PCDHA10: variants seen among roughly 807,000 people sequenced by gnomAD.
The protein encoded by PCDHA10 is protocadherin alpha 10.
PCDHA10 carries 45 observed loss-of-function variants against 61.2 expected under a neutral mutation model. The observed-to-expected ratio is 0.74, with a 90% CI of 0.58 to 0.94. PCDHA10 has a LOEUF of 0.94. PCDHA10 is among the 40% of genes least tolerant of loss of function. The pLI is 0.00. For synonymous variants in PCDHA10, 602 were observed against 548.8 expected (o/e 1.10, Z -1.35); for missense variants, 1,278 against 1,236.2 (o/e 1.03, Z -0.51).
At chr5:140,902,509 A>G (rs1242435474) in intron 1 of PCDHA10, among the ~76,000 whole-genome samples, 2 of 152,056 alleles carry the variant, frequency 1.3e-5, no homozygotes, top group Non-Finnish European at 2.9e-5. Context: ...TGAGTCTGTC[A>G]TATATGGTTT....
chr5:140,877,647 G>A, intron 1 of PCDHA10: 2 of 1,613,510 alleles, frequency 1.2e-6, no homozygotes, highest in South Asian at 1.1e-5. Flanking sequence ...GTTGCTCAGC[G>A]CCGCCCACCG....
intron 1 of PCDHA10, chr5:140,966,442 T>C (rs1474683794): frequency 4.7e-6 from 2 of 424,056 alleles, no homozygotes; most frequent in East Asian, 3.6e-5. Flanking sequence ...TACCGCTCCC[T>C]TTCCCCCTCC....
intron 1 of PCDHA10, among the ~76,000 whole-genome samples, chr5:140,897,765 C>T (rs1305140331): frequency 6.6e-6 from 1 of 152,216 alleles, no homozygotes; most frequent in Admixed American, 6.5e-5. Flanking sequence ...AATCGCCACA[C>T]TGACTTCCAC....
intron 1 of PCDHA10, chr5:140,968,554 A>G (rs782240700): frequency 1.9e-6 from 3 of 1,614,162 alleles, no homozygotes; most frequent in Non-Finnish European, 2.5e-6. Context: ...TGGTGCCTCG[A>G]ACTGCCCCTG....
intron 1 of PCDHA10, chr5:140,866,543 G>A (rs1329299752): frequency 3.3e-5 from 5 of 152,066 alleles, no homozygotes; most frequent in South Asian, 2.1e-4. Context: ...TTAGCATCAC[G>A]GAATAAATCC....
intron 3 of PCDHA10, among the ~76,000 whole-genome samples, chr5:140,985,765 A>G (rs2097169846): frequency 7.8e-6 from 1 of 128,516 alleles, no homozygotes; most frequent in African/African-American, 3.0e-5. Flanking sequence ...TTTTTGAGAC[A>G]GTCTCGCTCT....
At chr5:140,949,405 AC>A (rs1554218939) in intron 1 of PCDHA10, among the ~76,000 whole-genome samples, 1 of 151,820 alleles carries the variant, frequency 6.6e-6, no homozygotes, top group African/African-American at 2.4e-5. Flanking sequence ...GTTAAAAATC[AC>A]CTATCATCAT....
intron 1 of PCDHA10, among the ~76,000 whole-genome samples, chr5:140,974,165 G>T (rs1298109600): frequency 6.6e-6 from 1 of 152,164 alleles, no homozygotes; most frequent in Non-Finnish European, 1.5e-5. Flanking sequence ...TTTCTTTCAA[G>T]AATTTTAACT....
chr5:140,904,156 G>C (rs1554191312), intron 1 of PCDHA10, among the ~76,000 whole-genome samples: 1 of 152,028 alleles, frequency 6.6e-6, no homozygotes, highest in Non-Finnish European at 1.5e-5. Flanking sequence ...ATTGCACCCA[G>C]TTTGTAGTCT....
chr5:140,983,901 AT>A (rs782712573), intron 3 of PCDHA10, among the ~76,000 whole-genome samples: 20 of 152,338 alleles, frequency 1.3e-4, no homozygotes, highest in Non-Finnish European at 2.6e-4. Context: ...GCATTCGTTG[AT>A]TCTAATCAGC....
At chr5:140,996,275 C>T (rs534624070) in intron 3 of PCDHA10, among the ~76,000 whole-genome samples, 43 of 152,224 alleles carry the variant, frequency 2.8e-4, no homozygotes, top group African/African-American at 8.7e-4. Flanking sequence ...GGGATTGCTG[C>T]CAAATTTCAA....
chr5:140,884,113 G>T (rs782579609), intron 1 of PCDHA10: 15 of 1,613,390 alleles, frequency 9.3e-6, no homozygotes, highest in Admixed American at 3.3e-5. Context: ...AGCTGGCGGC[G>T]GTCGGCGCGC....
rs1250345336 is a variant in PCDHA10 at position 140,857,907 on chromosome 5, C to G, written c.1859C>G (p.Pro620Arg). 2 of 1,597,680 alleles carry G rather than the reference C, an allele frequency of 1.3e-6. No individual in the cohort carries two copies. ...TCGGCGGCGGTTGGTGCACGCATCC[C>G]GTTTCGCGTGGGGCTGTACACGGGC... ...LQSAAVGARI[P>R]FRVGLYTGEI... The change falls in exon 1 of 4, where the codon CCG becomes CGG. Residue 620 changes from proline to arginine, a missense_variant. Physicochemically the swap from Pro to Arg is moderately radical, Grantham distance 103. Transcript: ENST00000307360.
intron 3 of PCDHA10, among the ~76,000 whole-genome samples, chr5:140,990,378 T>G (rs1554251448): frequency 6.6e-6 from 1 of 152,128 alleles, no homozygotes; most frequent in African/African-American, 2.4e-5. Context: ...GCAAATTTGT[T>G]GGTGATGTTC....
rs1554168160 is a variant in PCDHA10 at position 140,875,992 on chromosome 5, CT to C, written c.2388+17557del. 5 of 1,613,752 alleles carry C rather than the reference CT, an allele frequency of 3.1e-6. No homozygotes were observed. In the Admixed American group the frequency reaches 8.3e-5, roughly 27 times the overall value. On this transcript the variant is annotated intron_variant, in intron 1 of 3. Transcript: ENST00000307360. ...CTCTCTTTTGACCTATGCGTTAAGT[CT>C]AAATGAGAATTTTGAGCTTAAAATA...
intron 1 of PCDHA10, among the ~76,000 whole-genome samples, chr5:140,923,268 G>C (rs2081286092): frequency 6.6e-6 from 1 of 152,154 alleles, no homozygotes; most frequent in Non-Finnish European, 1.5e-5. Context: ...GTGAGACCTT[G>C]TCTCTACAAA....
intron 3 of PCDHA10, among the ~76,000 whole-genome samples, chr5:141,000,251 G>C (rs2097898188): frequency 6.6e-6 from 1 of 151,264 alleles, no homozygotes; most frequent in Non-Finnish European, 1.5e-5. Context: ...GCTGACACCT[G>C]TGATCCTAGC....
At chr5:140,928,452 G>T in intron 1 of PCDHA10, 3 of 1,614,126 alleles carry the variant, frequency 1.9e-6, no homozygotes, top group Non-Finnish European at 2.5e-6. Flanking sequence ...AGCTCAGGGG[G>T]TTTCATTTCC....
chr5:140,967,748 G>T, intron 1 of PCDHA10: 1 of 1,614,204 alleles, frequency 6.2e-7, no homozygotes, highest in Non-Finnish European at 8.5e-7. Context: ...TTATGAGGAA[G>T]CCTCCTCCTA....
Sources: gnomAD v4.1 joint callset for allele counts (sites outside exome capture counted in the v4.1 genomes callset) on GRCh38, gnomAD v4.1.1 for gene constraint, MANE v1.5 for transcripts, NCBI Gene and HGNC (gene_info 2026-07-23, HGNC 2026-07-21) for gene names.